The following TTC8 variants were observed in gnomAD, a reference collection of about 807,000 sequenced individuals.
TTC8 encodes the protein tetratricopeptide repeat domain 8.
A neutral mutation model predicts 72.5 loss-of-function variants in TTC8; 47 were observed. The ratio of observed to expected loss-of-function variants is 0.65; its 90% CI spans 0.51 to 0.83. The LOEUF (loss-of-function observed/expected upper bound fraction) is 0.83. Ranked by LOEUF, TTC8 falls within the 40% of genes least tolerant of loss-of-function variation. The probability of loss-of-function intolerance (pLI) is 0.00; values close to 1 mark genes in which losing one functional copy is unlikely to be tolerated. For missense variants in TTC8, 611 were observed against 623.2 expected (o/e 0.98, Z 0.21); for synonymous variants, 199 against 221.4 (o/e 0.90, Z 0.90).
chr14:88,867,213 A>C (rs2094913871), intron 10 of TTC8, among the ~76,000 whole-genome samples: 2 of 152,190 alleles, frequency 1.3e-5, no homozygotes, highest in African/African-American at 4.8e-5. Flanking sequence ...TTTTCATACA[A>C]GTGCACAAAG....
intron 1 of TTC8, among the ~76,000 whole-genome samples, chr14:88,827,230 T>C (rs986092744): frequency 8.5e-5 from 13 of 152,280 alleles, no homozygotes; most frequent in Middle Eastern, 3.4e-3. Flanking sequence ...TGACCTTTCA[T>C]TGAGTGCTTA....
At chr14:88,844,374 A>G (rs2094796060) in intron 7 of TTC8, among the ~76,000 whole-genome samples, 1 of 152,182 alleles carries the variant, frequency 6.6e-6, no homozygotes, top group Non-Finnish European at 1.5e-5. Context: ...TTGCATACTT[A>G]TATGCAAATG....
At chr14:88,850,195 T>G (rs2094827128) in intron 7 of TTC8, among the ~76,000 whole-genome samples, 1 of 152,220 alleles carries the variant, frequency 6.6e-6, no homozygotes, top group Non-Finnish European at 1.5e-5. Flanking sequence ...TTAATAGCTT[T>G]TAATTATGAA....
chr14:88,846,825 T>C, intron 7 of TTC8: 1 of 423,176 alleles, frequency 2.4e-6, no homozygotes, highest in South Asian at 4.5e-5. Flanking sequence ...AGTAGTAACA[T>C]TTAAACTTTT....
intron 1 of TTC8, chr14:88,830,763 T>A (rs1224953758): frequency 2.3e-6 from 1 of 438,372 alleles, no homozygotes; most frequent in East Asian, 7.0e-5. Flanking sequence ...GGTGGATTAA[T>A]TTAAATCACA....
chr14:88,841,092 A>AGTGGAAGGCCAGGCAG lies in TTC8; in HGVS notation c.400_401insGGTGGAAGGCCAGGCA (p.Thr134ArgfsTer43), dbSNP rs2094778782. On this transcript the variant is annotated frameshift_variant, in exon 5 of 15. Transcript: ENST00000380656. LOFTEE classifies it high-confidence loss of function. The stretch of plus-strand genomic sequence containing the variant: ...AGGTTTCCTCAGGCCCAGCACGCAG[A>AGTGGAAGGCCAGGCAG]GTGGAAGGCCAGGCACTATGGAACA... 6.2e-7 allele frequency: 1 copy of AGTGGAAGGCCAGGCAG among 1,614,142 alleles called. No homozygotes were observed. Among genetic ancestry groups the AGTGGAAGGCCAGGCAG allele is most frequent in the Non-Finnish European group, 8.5e-7 (1 of 1,180,016 alleles).
intron 13 of TTC8, among the ~76,000 whole-genome samples, chr14:88,873,403 T>C (rs999421189): frequency 6.6e-6 from 1 of 152,238 alleles, no homozygotes; most frequent in African/African-American, 2.4e-5. Context: ...TTGGGTGTTA[T>C]CACATCTCTT....
chr14:88,863,726 G>T (rs2094898228), intron 10 of TTC8, among the ~76,000 whole-genome samples: 1 of 152,120 alleles, frequency 6.6e-6, no homozygotes, highest in Non-Finnish European at 1.5e-5. Flanking sequence ...TTCTATGCAG[G>T]TGTATTCCTA....
intron 10 of TTC8, 143 bp downstream of exon 10, chr14:88,861,475 ATCTTT>A (rs959662642): frequency 3.0e-4 from 185 of 618,784 alleles, no homozygotes; most frequent in African/African-American, 2.9e-3. Context: ...TCAAACATTT[ATCTTT>A]TCTTTGTTTT....
chr14:88,870,955 G>A (rs747441343), intron 11 of TTC8, among the ~76,000 whole-genome samples: 5 of 152,164 alleles, frequency 3.3e-5, no homozygotes, highest in Non-Finnish European at 7.3e-5. Flanking sequence ...ATATGAACTC[G>A]CTTGTCCTTT....
chr14:88,848,450 G>C (rs185077264), intron 7 of TTC8, among the ~76,000 whole-genome samples: 120 of 152,204 alleles, frequency 7.9e-4, no homozygotes, highest in African/African-American at 2.8e-3. Flanking sequence ...TCCTCAATTT[G>C]TTTCTGTAAT....
chr14:88,862,879 C>T (rs2094894605), intron 10 of TTC8, among the ~76,000 whole-genome samples: 1 of 151,606 alleles, frequency 6.6e-6, no homozygotes, highest in African/African-American at 2.4e-5. Flanking sequence ...GATATCTTCC[C>T]TGCTATCTAA....
At chr14:88,840,358 A>C (rs1390434941) in intron 3 of TTC8, 2 of 162,106 alleles carry the variant, frequency 1.2e-5, no homozygotes, top group African/African-American at 4.8e-5. Flanking sequence ...GGTAATAGCT[A>C]TTTTAAACCT....
chr14:88,856,571 G>A lies in TTC8; in HGVS notation c.711-619G>A, dbSNP rs143674971. 2.2e-3 allele frequency among the ~76,000 whole-genome samples: 335 copies of A among 152,276 alleles called. 1 individual carries two copies. Among genetic ancestry groups the A allele is most frequent in the African/African-American group, 7.6e-3 (317 of 41,546 alleles). ...AGTGGCAACAGATTCTTTCCTGGGTGTAAGAGGTAGGCCCTACTTACATCA... is the reference window on the plus strand; with the variant it reads ...AGTGGCAACAGATTCTTTCCTGGGTATAAGAGGTAGGCCCTACTTACATCA... On this transcript the variant is annotated intron_variant, in intron 8 of 14. Coordinates refer to ENST00000380656, the MANE Select transcript of TTC8 (RefSeq NM_144596.4).
At position 88,870,123 on chromosome 14, in the gene TTC8, A is replaced by G; in HGVS notation, c.974A>G (p.His325Arg). Residue 325 changes from histidine to arginine, a missense_variant, in exon 11 of 15, where the codon CAT becomes CGT. Coordinates refer to ENST00000380656, the MANE Select transcript of TTC8 (RefSeq NM_144596.4). ...GAAGTTTTGAAACAAGACAATACTC[A>G]TGTGGAAGCCATCGCATGCATTGGA... is the stretch of plus-strand genomic sequence containing the variant. ...YKEVLKQDNT[H>R]VEAIACIGSN... is the part of the protein sequence containing the mutation. 1.9e-6 allele frequency: 3 copies of G among 1,613,562 alleles called. No individual in the cohort carries two copies. The highest frequency in any genetic ancestry group is 1.7e-5 in the Admixed American group (1 of 60,022).
At chr14:88,858,995 A>G (rs1396671866) in intron 9 of TTC8, among the ~76,000 whole-genome samples, 1 of 152,068 alleles carries the variant, frequency 6.6e-6, no homozygotes, top group African/African-American at 2.4e-5. Context: ...TTTGACTATC[A>G]TCTTAATTGA....
At chr14:88,865,540 T>C (rs1231300953) in intron 10 of TTC8, among the ~76,000 whole-genome samples, 1 of 152,160 alleles carries the variant, frequency 6.6e-6, no homozygotes, top group Non-Finnish European at 1.5e-5. Flanking sequence ...TGGTGGCACA[T>C]GCCTGTAATC....
At chr14:88,865,217 A>G (rs2094904688) in intron 10 of TTC8, among the ~76,000 whole-genome samples, 1 of 152,144 alleles carries the variant, frequency 6.6e-6, no homozygotes, top group South Asian at 2.1e-4. Context: ...AGGTCTTCAA[A>G]CTTTACTGTG....
chr14:88,839,910 C>A (rs2094772353), intron 3 of TTC8, among the ~76,000 whole-genome samples: 1 of 152,146 alleles, frequency 6.6e-6, no homozygotes, highest in South Asian at 2.1e-4. Flanking sequence ...AAAGTACATT[C>A]TATTTGAACT....
Sources: allele counts gnomAD v4.1 joint callset (sites outside exome capture counted in the v4.1 genomes callset), GRCh38; gene constraint gnomAD v4.1.1; transcripts MANE v1.5; gene names NCBI Gene and HGNC (gene_info 2026-07-23, HGNC 2026-07-21).